The following GPD2 variants were observed in gnomAD, a reference collection of about 807,000 sequenced individuals.
GPD2 encodes the protein glycerol-3-phosphate dehydrogenase 2, also known as glycerol-3-phosphate dehydrogenase, mitochondrial.
A neutral mutation model predicts 82.4 loss-of-function variants in GPD2; 54 were observed. The ratio of observed to expected loss-of-function variants is 0.66; its 90% CI spans 0.53 to 0.82. The LOEUF is 0.82. GPD2 is among the 40% of genes least tolerant of loss of function. GPD2 has a pLI of 0.00. For missense variants in GPD2, 748 were observed against 896.2 expected (o/e 0.83, Z 2.11); for synonymous variants, 288 against 306.1 (o/e 0.94, Z 0.62).
intron 1 of GPD2, among the ~76,000 whole-genome samples, chr2:156,447,942 C>CA: frequency 6.6e-6 from 1 of 152,304 alleles, no homozygotes; most frequent in African/African-American, 2.4e-5. Flanking sequence ...TCGCTGAACT[C>CA]AGGCATTTCC....
chr2:156,437,276 G>A (rs564179621), intron 1 of GPD2, among the ~76,000 whole-genome samples: 4 of 152,366 alleles, frequency 2.6e-5, no homozygotes, highest in Non-Finnish European at 5.9e-5. Context: ...GTAAGTGACA[G>A]GGAGTCTTTA....
intron 2 of GPD2, among the ~76,000 whole-genome samples, chr2:156,476,653 A>T (rs1446273198): frequency 6.6e-6 from 1 of 152,234 alleles, no homozygotes; most frequent in Non-Finnish European, 1.5e-5. Flanking sequence ...GTTACTTATG[A>T]AGTATTACTT....
chr2:156,405,277 G>A, the GPD2 span, among the ~76,000 whole-genome samples: 2 of 152,246 alleles, frequency 1.3e-5, no homozygotes, highest in East Asian at 3.9e-4. Flanking sequence ...GGTGTAAAGC[G>A]CTCATTTTTG....
At chr2:156,457,828 T>C (rs1392030380) in intron 1 of GPD2, among the ~76,000 whole-genome samples, 1 of 152,252 alleles carries the variant, frequency 6.6e-6, no homozygotes, top group Non-Finnish European at 1.5e-5. Flanking sequence ...TGCTCAGTAA[T>C]GTTATGTATT....
chr2:156,539,874 G>C (rs1297586006), intron 6 of GPD2, among the ~76,000 whole-genome samples: 1 of 152,168 alleles, frequency 6.6e-6, no homozygotes, highest in South Asian at 2.1e-4. Context: ...CGATTCTTGA[G>C]TTTTCAGTTG....
intron 8 of GPD2, among the ~76,000 whole-genome samples, chr2:156,556,476 A>T (rs1686966340): frequency 6.6e-6 from 1 of 152,222 alleles, no homozygotes; most frequent in Non-Finnish European, 1.5e-5. Context: ...TAGTGATTTA[A>T]AAACAAAATG....
chr2:156,559,408 AT>A (rs1438293824), intron 9 of GPD2, among the ~76,000 whole-genome samples: 3 of 152,216 alleles, frequency 2.0e-5, no homozygotes, highest in African/African-American at 7.2e-5. Flanking sequence ...ACGATTAAAA[AT>A]AATCTTCATA....
chr2:156,418,183 C>A, the GPD2 span, among the ~76,000 whole-genome samples: 2 of 151,738 alleles, frequency 1.3e-5, no homozygotes, highest in African/African-American at 2.4e-5. Flanking sequence ...CCACTGCACT[C>A]TAGCCTAAGT....
chr2:156,519,485 A>G (rs1685317694), intron 6 of GPD2, among the ~76,000 whole-genome samples: 1 of 152,232 alleles, frequency 6.6e-6, no homozygotes, highest in Non-Finnish European at 1.5e-5. Context: ...AACATAATGC[A>G]TTTATTTTAA....
Position 156,540,796 on chromosome 2 carries a change from G to A in GPD2, c.662-8812G>A, listed in dbSNP as rs138774294. Among the ~76,000 whole-genome samples the A allele has an allele frequency of 9.9e-4, 150 of 152,276 alleles. No individual in the cohort carries two copies. The East Asian group carries it at 0.021, about 21-fold the overall frequency. ...ACAGAAAAAAGAATCTTATTTTTCA[G>A]TGGTAAAAAGTGGAGAGAGAGAAAA... On this transcript the variant is annotated intron_variant, in intron 6 of 16. Transcript: ENST00000438166.
intron 2 of GPD2, among the ~76,000 whole-genome samples, chr2:156,477,058 T>G (rs933138417): frequency 6.6e-6 from 1 of 152,252 alleles, no homozygotes; most frequent in African/African-American, 2.4e-5. Context: ...ACTTCTTGTT[T>G]CTGTTTCTTT....
intron 1 of GPD2, among the ~76,000 whole-genome samples, chr2:156,465,615 T>C (rs1231753028): frequency 5.3e-5 from 8 of 152,070 alleles, no homozygotes; most frequent in Admixed American, 2.0e-4. Context: ...CTGCCTGGGT[T>C]TCTCTGAGTC....
intron 8 of GPD2, among the ~76,000 whole-genome samples, chr2:156,551,080 G>C (rs1384988231): frequency 6.6e-6 from 1 of 152,048 alleles, no homozygotes; most frequent in South Asian, 2.1e-4. Flanking sequence ...TTTTTATAAA[G>C]GACGTATTTT....
chr2:156,442,612 C>A (rs1005956481), intron 1 of GPD2, among the ~76,000 whole-genome samples: 2 of 152,034 alleles, frequency 1.3e-5, no homozygotes, highest in African/African-American at 4.8e-5. Flanking sequence ...GAGTTTGAGA[C>A]CAGCCTGGGC....
At position 156,485,849 on chromosome 2, in the gene GPD2, G is replaced by A. The variant is rs1430634158; in HGVS notation, c.102+9642G>A. ...CATTTAGCCATTACATATGTGTCTT[G>A]AATTTAGTTTCTAATCTGGTGGACA... On this transcript the variant is annotated intron_variant, in intron 2 of 16. Coordinates refer to ENST00000438166, the MANE Select transcript of GPD2 (RefSeq NM_000408.5). Among the ~76,000 whole-genome samples the A allele has an allele frequency of 2.0e-5, 3 of 152,180 alleles. No individual in the cohort carries two copies. The East Asian group carries it at 5.8e-4, about 29-fold the overall frequency.
intron 3 of GPD2, among the ~76,000 whole-genome samples, chr2:156,497,922 G>A (rs971000491): frequency 2.6e-5 from 4 of 152,164 alleles, no homozygotes; most frequent in African/African-American, 9.7e-5. Context: ...TTTGAGAATA[G>A]ATAATTTGAA....
chr2:156,482,399 C>T (rs2105214443), intron 2 of GPD2, among the ~76,000 whole-genome samples: 1 of 151,960 alleles, frequency 6.6e-6, no homozygotes, highest in Admixed American at 6.6e-5. Context: ...TCTATGTAGG[C>T]TTATATGAAT....
At chr2:156,404,854 C>CAA in the GPD2 span, among the ~76,000 whole-genome samples, 1 of 120,102 alleles carries the variant, frequency 8.3e-6, no homozygotes, top group African/African-American at 3.2e-5. Context: ...ACTCCGTCTC[C>CAA]AAAAAAAAAA....
intron 1 of GPD2, among the ~76,000 whole-genome samples, chr2:156,452,826 G>T (rs1682662631): frequency 6.6e-6 from 1 of 152,146 alleles, no homozygotes; most frequent in African/African-American, 2.4e-5. Context: ...AGAATGATTG[G>T]TCTTTACTTG....
Sources: allele counts gnomAD v4.1 joint callset (sites outside exome capture counted in the v4.1 genomes callset), GRCh38; gene constraint gnomAD v4.1.1; transcripts MANE v1.5; gene names NCBI Gene and HGNC (gene_info 2026-07-23, HGNC 2026-07-21).